TDRD6: variants seen among roughly 807,000 people sequenced by gnomAD.
TDRD6 encodes the protein tudor domain containing 6.
Under a neutral mutation model 157.5 loss-of-function variants are expected in TDRD6, and 186 were observed. That is an observed-to-expected ratio of 1.18 (90% CI 1.05 to 1.33). The LOEUF is 1.33. Among genes scored for constraint, TDRD6 ranks in the 40% most tolerant of loss-of-function variants. The probability of loss-of-function intolerance (pLI) is 0.00; values close to 1 mark genes in which losing one functional copy is unlikely to be tolerated. For missense variants in TDRD6, 3,066 were observed against 2,508.0 expected, an observed-to-expected ratio of 1.22 and a Z score of -4.75; for synonymous variants, 1,075 against 945.2, an observed-to-expected ratio of 1.14 and a Z score of -2.52.
In TDRD6 at chr6:46,691,607, G is replaced by A. The variant is rs748788916; in HGVS notation, c.3479G>A (p.Ser1160Asn). 1 of 1,613,324 alleles carries A rather than the reference G, an allele frequency of 6.2e-7. No individual in the cohort carries two copies. The highest frequency in any genetic ancestry group is 8.5e-7 in the Non-Finnish European group (1 of 1,179,606). Residue 1160 changes from serine (S) to asparagine (N), a missense_variant, in exon 1 of 4, where the codon AGT becomes AAT. Ser to Asn is a conservative substitution (Grantham distance 46, BLOSUM62 1). Transcript: ENST00000316081. ...ATTAATAAGAAGTTGGGGCTACTTA[G>A]TTACAAAGATAGAATAAGAAAAAAA... The part of the protein sequence containing the change: ...ASINKKLGLL[S>N]YKDRIRKKES...
chr6:46,692,121 T>C lies in TDRD6; in HGVS notation c.3993T>C (p.Ile1331=). Residue 1331 remains isoleucine, a synonymous_variant, in exon 1 of 4, where the codon ATT becomes ATC. Transcript: ENST00000316081. Reference sequence around the variant, plus strand: ...AACTAATAGAAGATGAAGCTGAAATTAGTCATCTTTCAGAGAGATTAAACA... The same window carrying C: ...AACTAATAGAAGATGAAGCTGAAATCAGTCATCTTTCAGAGAGATTAAACA... The part of the protein sequence containing the change: ...YVQLIEDEAE[I]SHLSERLNSV... 1 of 1,613,492 alleles carries C rather than the reference T, an allele frequency of 6.2e-7. No homozygotes were observed. Among genetic ancestry groups the C allele is most frequent in the Non-Finnish European group, 8.5e-7 (1 of 1,179,714 alleles).
At position 46,690,625 on chromosome 6, in the gene TDRD6, T is replaced by A. The variant is rs1371089637; in HGVS notation, c.2497T>A (p.Trp833Arg). 6.2e-7 allele frequency: 1 copy of A among 1,614,188 alleles called. No homozygotes were observed. Among genetic ancestry groups the A allele is most frequent in the Non-Finnish European group, 8.5e-7 (1 of 1,180,020 alleles). Residue 833 changes from tryptophan to arginine, a missense_variant, in exon 1 of 4, where the codon TGG becomes AGG. Physicochemically the swap from Trp to Arg is moderately radical, Grantham distance 101. Coordinates refer to ENST00000316081, the MANE Select transcript of TDRD6 (RefSeq NM_001010870.3). ...CLAKRTVNRQ[W>R]SRALISGIQS... is the part of the protein sequence containing the mutation. The stretch of plus-strand genomic sequence containing the variant: ...GGCTAAGCGAACAGTAAACAGACAG[T>A]GGTCCAGAGCACTTATTAGTGGGAT...
At position 46,689,632 on chromosome 6, in the gene TDRD6, T is replaced by C; in HGVS notation, c.1504T>C (p.Phe502Leu). 4.3e-6 allele frequency: 7 copies of C among 1,614,100 alleles called. No homozygotes were observed. The highest frequency in any genetic ancestry group is 5.9e-6 in the Non-Finnish European group (7 of 1,180,028). ...AGAGTTTGTTAAAAATCCTTCTGAG[T>C]TTTGGATTAGGTTGAGGAAACACAA... Reference protein sequence around the residue: ...QVEFVKNPSEFWIRLRKHNVT... With the variant: ...QVEFVKNPSELWIRLRKHNVT... The change falls in exon 1 of 4, where the codon TTT (phenylalanine) becomes CTT (leucine). Residue 502 changes from phenylalanine (F) to leucine (L), a missense_variant. Physicochemically the swap from Phe to Leu is conservative, Grantham distance 22. Coordinates refer to ENST00000316081, the MANE Select transcript of TDRD6 (RefSeq NM_001010870.3).
At position 46,687,960 on chromosome 6, in the gene TDRD6, C is replaced by A; in HGVS notation, c.-169C>A. 1 of 1,109,142 alleles carries A rather than the reference C, an allele frequency of 9.0e-7. No individual in the cohort carries two copies. Among genetic ancestry groups the A allele is most frequent in the Non-Finnish European group, 1.2e-6 (1 of 831,196 alleles). The allele number at this position is 1,109,142 out of a possible 1,614,324, so 68.7% of individuals were successfully genotyped here. A position where few individuals can be genotyped will look rare whatever the true frequency, so the allele number is the denominator to read the frequency against. On this transcript the variant is annotated 5_prime_UTR_variant, in exon 1 of 4. Coordinates refer to ENST00000316081, the MANE Select transcript of TDRD6 (RefSeq NM_001010870.3). Reference sequence around the variant, plus strand: ...AGTCCGTGGCGGGAGTCCCGGAGGACCCTCGACGGGGGAGTTGCCGAGAAA... The same window carrying A: ...AGTCCGTGGCGGGAGTCCCGGAGGAACCTCGACGGGGGAGTTGCCGAGAAA...
Position 46,690,162 on chromosome 6 carries a change from G to A in TDRD6, c.2034G>A (p.Leu678=). Residue 678 remains leucine, a synonymous_variant, in exon 1 of 4, where the codon CTG becomes CTA. Coordinates refer to ENST00000316081, the MANE Select transcript of TDRD6 (RefSeq NM_001010870.3). ...AATTTGAAACAAAGGAAAATATCCT[G>A]GTAAATGCCCACTCCCCAGGGCATG... ...YQEFETKENI[L]VNAHSPGHVS... The A allele has an allele frequency of 6.2e-7, 1 of 1,613,354 alleles. No individual in the cohort carries two copies. The highest frequency in any genetic ancestry group is 8.5e-7 in the Non-Finnish European group (1 of 1,179,802).
chr6:46,682,358 AT>A, the TDRD6 span, among the ~76,000 whole-genome samples: 1 of 152,048 alleles, frequency 6.6e-6, no homozygotes, highest in Non-Finnish European at 1.5e-5. Flanking sequence ...CCTCATCTTG[AT>A]AAAAAGGATC....
At position 46,692,420 on chromosome 6, in the gene TDRD6, C is replaced by A; in HGVS notation, c.4292C>A (p.Ser1431Tyr). 1 of 1,614,122 alleles carries A rather than the reference C, an allele frequency of 6.2e-7. No individual in the cohort carries two copies. Among genetic ancestry groups the A allele is most frequent in the South Asian group, 1.1e-5 (1 of 91,074 alleles). The change falls in exon 1 of 4, where the codon TCT becomes TAT. Residue 1431 changes from serine (S) to tyrosine (Y), a missense_variant. Coordinates refer to ENST00000316081, the MANE Select transcript of TDRD6 (RefSeq NM_001010870.3). ...TTTGAGGTTCCTGACAATAAAAATT[C>A]TAAGAAAATGATGCATTACTTTTCC... ...QGFEVPDNKN[S>Y]KKMMHYFSQR... is the part of the protein sequence containing the mutation.
At position 46,694,027 on chromosome 6, in the gene TDRD6, A is replaced by G. The variant is rs574368865; in HGVS notation, c.5899A>G (p.Lys1967Glu). Reference protein sequence around the residue: ...LHLHGADCDPKTQNEMNICEE... With the variant: ...LHLHGADCDPETQNEMNICEE... ...TCTACATGGAGCAGATTGTGATCCT[A>G]AAACACAGAATGAAATGAATATATG... Residue 1967 changes from lysine to glutamate, a missense_variant, in exon 1 of 4, where the codon AAA becomes GAA. By Grantham distance (56) the Lys-to-Glu change is moderately conservative (BLOSUM62 1). Transcript: ENST00000316081. 3 of 1,614,020 alleles carry G rather than the reference A, an allele frequency of 1.9e-6. No homozygotes were observed. In the African/African-American group the frequency reaches 4.0e-5, roughly 22 times the overall value.
At position 46,692,309 on chromosome 6, in the gene TDRD6, C is replaced by A; in HGVS notation, c.4181C>A (p.Ser1394Tyr). 6.2e-7 allele frequency: 1 copy of A among 1,614,162 alleles called. No individual in the cohort carries two copies. Among genetic ancestry groups the A allele is most frequent in the Admixed American group, 1.7e-5 (1 of 60,026 alleles). The part of the protein sequence containing the change: ...SVQFIDYGNV[S>Y]VVHTNKIGRL... ...CAGTTTATAGATTATGGCAATGTTT[C>A]TGTGGTTCATACTAACAAAATAGGT... Residue 1394 changes from serine (S) to tyrosine (Y), a missense_variant, in exon 1 of 4, where the codon TCT becomes TAT. Transcript: ENST00000316081.
Position 46,688,991 on chromosome 6 carries a change from G to A in TDRD6, c.863G>A (p.Arg288Gln), listed in dbSNP as rs763617851. The A allele has an allele frequency of 1.2e-6, 2 of 1,613,630 alleles. No homozygotes were observed. The highest frequency in any genetic ancestry group is 2.2e-5 in the East Asian group (1 of 44,874). The change falls in exon 1 of 4, where the codon CGG (arginine) becomes CAG (glutamine). Residue 288 changes from arginine (R) to glutamine (Q), a missense_variant. Physicochemically the swap from Arg to Gln is conservative, Grantham distance 43. Transcript: ENST00000316081. The stretch of plus-strand genomic sequence containing the variant: ...TCCGAGAGCATGGCCCAGGTATACC[G>A]GGGTTCCACGGGGACAGGGGATGAG... Reference protein sequence around the residue: ...RLSESMAQVYRGSTGTGDENS... With the variant: ...RLSESMAQVYQGSTGTGDENS...
At position 46,693,748 on chromosome 6, in the gene TDRD6, C is replaced by G; in HGVS notation, c.5620C>G (p.Pro1874Ala). Reference sequence around the variant, plus strand: ...AAAAGGGGAGCTAAGCCCGGTGCCACCGAATGTGCCACTCTCCCAAGAGTG... The same window carrying G: ...AAAAGGGGAGCTAAGCCCGGTGCCAGCGAATGTGCCACTCTCCCAAGAGTG... ...EEKGELSPVP[P>A]NVPLSQECVT... Residue 1874 changes from proline to alanine, a missense_variant, in exon 1 of 4, where the codon CCG becomes GCG. By Grantham distance (27) the Pro-to-Ala change is conservative. Coordinates refer to ENST00000316081, the MANE Select transcript of TDRD6 (RefSeq NM_001010870.3). 1.9e-6 allele frequency: 3 copies of G among 1,614,186 alleles called. No homozygotes were observed. Among genetic ancestry groups the G allele is most frequent in the Non-Finnish European group, 2.5e-6 (3 of 1,180,044 alleles).
Position 46,689,225 on chromosome 6 carries a change from A to G in TDRD6, c.1097A>G (p.Tyr366Cys). ...CSSLRYLLPE[Y>C]FRMPVVTYPC... The stretch of plus-strand genomic sequence containing the variant: ...AGCCTTCGGTACTTGCTGCCTGAAT[A>G]TTTTCGAATGCCGGTGGTGACCTAC... Residue 366 changes from tyrosine to cysteine, a missense_variant, in exon 1 of 4, where the codon TAT (tyrosine) becomes TGT (cysteine). Transcript: ENST00000316081. 1 of 1,613,904 alleles carries G rather than the reference A, an allele frequency of 6.2e-7. No individual in the cohort carries two copies. The highest frequency in any genetic ancestry group is 8.5e-7 in the Non-Finnish European group (1 of 1,179,966).
At chr6:46,680,333 A>G in the TDRD6 span, among the ~76,000 whole-genome samples, 1 of 151,876 alleles carries the variant, frequency 6.6e-6, no homozygotes, top group East Asian at 1.9e-4. Flanking sequence ...CGTGAAAGAA[A>G]AAAAAAAAAA....
Position 46,688,371 on chromosome 6 carries a change from G to T in TDRD6, c.243G>T (p.Trp81Cys). 9 of 1,534,200 alleles carry T rather than the reference G, an allele frequency of 5.9e-6. No homozygotes were observed. Among genetic ancestry groups the T allele is most frequent in the Non-Finnish European group, 7.9e-6 (9 of 1,144,642 alleles). The part of the protein sequence containing the change: ...ELCLVQVGLL[W>C]HRCRVVSRQA... ...GCCTGGTGCAGGTCGGGCTTTTGTG[G>T]CACCGCTGCCGCGTGGTCAGCCGGC... Residue 81 changes from tryptophan to cysteine, a missense_variant, in exon 1 of 4, where the codon TGG becomes TGT. Trp to Cys is a radical substitution (Grantham distance 215, BLOSUM62 -2). Transcript: ENST00000316081.
In TDRD6 at chr6:46,693,258, A is replaced by G; in HGVS notation, c.5130A>G (p.Glu1710=). Residue 1710 remains glutamate (E), a synonymous_variant, in exon 1 of 4, where the codon GAA becomes GAG. Transcript: ENST00000316081. The part of the protein sequence containing the change: ...KTGIKSALPY[E]NIDSEIKQTL... ...GTATTAAAAGTGCTCTTCCCTATGA[A>G]AATATTGACTCAGAGATAAAGCAGA... The G allele has an allele frequency of 6.2e-7, 1 of 1,613,606 alleles. No homozygotes were observed. The highest frequency in any genetic ancestry group is 8.5e-7 in the Non-Finnish European group (1 of 1,179,886).
rs141422041 is a variant in TDRD6, at chr6:46,690,036, A to T, written c.1908A>T (p.Lys636Asn). 1 of 1,613,910 alleles carries T rather than the reference A, an allele frequency of 6.2e-7. No individual in the cohort carries two copies. Among genetic ancestry groups the T allele is most frequent in the South Asian group, 1.1e-5 (1 of 91,068 alleles). ...HKELVIHILD[K>N]QDHQYVIEIL... is the part of the protein sequence containing the mutation. ...AATTAGTCATCCATATTCTTGATAA[A>T]CAGGATCATCAATATGTTATTGAGA... Residue 636 changes from lysine to asparagine, a missense_variant, in exon 1 of 4, where the codon AAA (lysine) becomes AAT (asparagine). Coordinates refer to ENST00000316081, the MANE Select transcript of TDRD6 (RefSeq NM_001010870.3).
Position 46,692,361 on chromosome 6 carries a change from G to C in TDRD6, c.4233G>C (p.Leu1411Phe). 1 of 1,614,124 alleles carries C rather than the reference G, an allele frequency of 6.2e-7. No homozygotes were observed. Among genetic ancestry groups the C allele is most frequent in the Middle Eastern group, 1.6e-4 (1 of 6,062 alleles). ...GGCTTGACCTTGTTAATGCAATATTGCCGGGGTTGTGCATTCATTGCTCCT... is the reference window on the plus strand; with the variant it reads ...GGCTTGACCTTGTTAATGCAATATTCCCGGGGTTGTGCATTCATTGCTCCT... The part of the protein sequence containing the change: ...IGRLDLVNAI[L>F]PGLCIHCSLQ... The change falls in exon 1 of 4, where the codon TTG (leucine) becomes TTC (phenylalanine). Residue 1411 changes from leucine to phenylalanine, a missense_variant. Physicochemically the swap from Leu to Phe is conservative, Grantham distance 22. Coordinates refer to ENST00000316081, the MANE Select transcript of TDRD6 (RefSeq NM_001010870.3).
rs145298982 is a variant in TDRD6, at chr6:46,693,598, A to G, written c.5470A>G (p.Asn1824Asp). The change falls in exon 1 of 4, where the codon AAT becomes GAT. Residue 1824 changes from asparagine (N) to aspartate (D), a missense_variant. Asn to Asp is a conservative substitution (Grantham distance 23). Transcript: ENST00000316081. ...ATTTAACACATTACTACCACATGCT[A>G]ATGAAACAAAGGAGATACTAGAACT... ...TGFNTLLPHA[N>D]ETKEILELNS... The G allele has an allele frequency of 4.6e-4, 746 of 1,614,216 alleles. 4 individuals are homozygous for G. The African/African-American group carries it at 8.6e-3, about 19-fold the overall frequency.
Position 46,690,703 on chromosome 6 carries a change from A to G in TDRD6, c.2575A>G (p.Met859Val). 6.2e-7 allele frequency: 1 copy of G among 1,614,132 alleles called. No homozygotes were observed. Among genetic ancestry groups the G allele is most frequent in the Non-Finnish European group, 8.5e-7 (1 of 1,179,976 alleles). The change falls in exon 1 of 4, where the codon ATG (methionine) becomes GTG (valine). Residue 859 changes from methionine (M) to valine (V), a missense_variant. Physicochemically the swap from Met to Val is conservative, Grantham distance 21. Coordinates refer to ENST00000316081, the MANE Select transcript of TDRD6 (RefSeq NM_001010870.3). The part of the protein sequence containing the change: ...VTFVDYGDRE[M>V]VSVKNIYSIS... Reference sequence around the variant, plus strand: ...ATTTGTAGATTATGGAGACAGAGAAATGGTATCTGTGAAGAATATTTATTC... The same window carrying G: ...ATTTGTAGATTATGGAGACAGAGAAGTGGTATCTGTGAAGAATATTTATTC...
Sources: gnomAD v4.1 joint callset for allele counts (sites outside exome capture counted in the v4.1 genomes callset) on GRCh38, gnomAD v4.1.1 for gene constraint, MANE v1.5 for transcripts, NCBI Gene and HGNC (gene_info 2026-07-23, HGNC 2026-07-21) for gene names.